The following TELO2 variants were observed in gnomAD, a reference collection of about 807,000 sequenced individuals.
TELO2 encodes telomere maintenance 2, also known as telomere length regulation protein TEL2 homolog.
TELO2 carries 71 observed loss-of-function variants against 91.0 expected under a neutral mutation model. The ratio of observed to expected loss-of-function variants is 0.78; its 90% CI spans 0.64 to 0.95. The LOEUF is 0.95. Among genes scored for constraint, TELO2 ranks in the 40% least tolerant of loss-of-function variants. The pLI is 0.00. For missense variants in TELO2, 1,183 were observed against 1,141.3 expected (o/e 1.04, Z -0.53); for synonymous variants, 584 against 518.9 (o/e 1.13, Z -1.71).
At chr16:1,499,744 C>T (rs1033208569) in intron 6 of TELO2, among the ~76,000 whole-genome samples, 37 of 152,338 alleles carry the variant, frequency 2.4e-4, no homozygotes, top group African/African-American at 8.9e-4. Flanking sequence ...TGAGCCGGGT[C>T]CCCTGACTCC....
At chr16:1,509,578 C>T (rs2040051945) in intron 20 of TELO2, among the ~76,000 whole-genome samples, 2 of 152,266 alleles carry the variant, frequency 1.3e-5, no homozygotes. Context: ...GTGCGCCCCA[C>T]CCCAGGCCCC....
At chr16:1,509,136 C>T (rs912358665) in intron 20 of TELO2, among the ~76,000 whole-genome samples, 1 of 152,196 alleles carries the variant, frequency 6.6e-6, no homozygotes, top group Non-Finnish European at 1.5e-5. Context: ...GTACCTGCGA[C>T]GTCATCATCT....
Position 1,497,073 on chromosome 16 carries a change from C to G in TELO2, c.651C>G (p.Val217=), listed in dbSNP as rs1447355830. The part of the protein sequence containing the change: ...LDSSVSFVSQ[V]LGKACVHGRQ... ...CCTCCGTGTCCTTCGTGTCTCAGGT[C>G]CTTGGGAAAGCCTGTGTCCACGGGA... The change falls in exon 4 of 21, where the codon GTC becomes GTG. Residue 217 remains valine (V), a synonymous_variant. Coordinates refer to ENST00000262319, the MANE Select transcript of TELO2 (RefSeq NM_016111.4). The surrounding 1 kb of genome is among the most constrained non-coding windows in gnomAD (Gnocchi z 4.0). The G allele has an allele frequency of 6.2e-7, 1 of 1,614,060 alleles. No homozygotes were observed. The highest frequency in any genetic ancestry group is 1.1e-5 in the South Asian group (1 of 91,072).
intron 20 of TELO2, among the ~76,000 whole-genome samples, 177 bp downstream of exon 20, chr16:1,507,893 T>A (rs1355477701): frequency 3.4e-4 from 28 of 82,876 alleles, no homozygotes; most frequent in Admixed American, 9.6e-4. Flanking sequence ...TGTGTGTGTG[T>A]GATGTGTGTC....
rs1263753401 is a variant in TELO2, at chr16:1,507,661, G to A, written c.2352G>A (p.Ala784=). The A allele has an allele frequency of 2.1e-5, 34 of 1,602,938 alleles. No individual in the cohort carries two copies. Among genetic ancestry groups the A allele is most frequent in the Non-Finnish European group, 2.4e-5 (28 of 1,179,702 alleles). Residue 784 remains alanine (A), a synonymous_variant, in exon 20 of 21, where the codon GCG becomes GCA. Coordinates refer to ENST00000262319, the MANE Select transcript of TELO2 (RefSeq NM_016111.4). ...VSSVLLSLPA[A]RLLEDLMDEL... ...CCGTCCTGCTCAGCCTGCCTGCTGC[G>A]CGCCTGCTGGAGGACCTGATGGACG...
In TELO2 at chr16:1,497,056, T is replaced by A. The variant is rs1461969324; in HGVS notation, c.634T>A (p.Ser212Thr). 6.2e-7 allele frequency: 1 copy of A among 1,613,964 alleles called. No homozygotes were observed. Among genetic ancestry groups the A allele is most frequent in the African/African-American group, 1.3e-5 (1 of 74,916 alleles). Residue 212 changes from serine to threonine, a missense_variant, in exon 4 of 21, where the codon TCC (serine) becomes ACC (threonine). Ser to Thr is a moderately conservative substitution (Grantham distance 58, BLOSUM62 1). Coordinates refer to ENST00000262319, the MANE Select transcript of TELO2 (RefSeq NM_016111.4). This position sits in a 1 kb window ranked among gnomAD's most constrained non-coding sequence, Gnocchi z 4.0. ...SLQGGLDSSV[S>T]FVSQVLGKAC... ...CCCAGGTGGCCTGGATTCCTCCGTGTCCTTCGTGTCTCAGGTCCTTGGGAA... is the reference window on the plus strand; with the variant it reads ...CCCAGGTGGCCTGGATTCCTCCGTGACCTTCGTGTCTCAGGTCCTTGGGAA...
chr16:1,506,252 G>T lies in TELO2; in HGVS notation c.2049G>T (p.Gln683His). 1.2e-6 allele frequency: 2 copies of T among 1,613,682 alleles called. No individual in the cohort carries two copies. The highest frequency in any genetic ancestry group is 1.7e-6 in the Non-Finnish European group (2 of 1,180,006). The stretch of plus-strand genomic sequence containing the variant: ...GTGTCTGGCAGGGTGGCCCGAGGCA[G>T]GGCCCGGCAGGCAGCCCCAGCAGAT... ...TQRLSKGGPR[Q>H]GPAGSPSRFN... Residue 683 changes from glutamine (Q) to histidine (H), a missense_variant, in exon 17 of 21, where the codon CAG becomes CAT. Transcript: ENST00000262319.
Position 1,507,045 on chromosome 16 carries a change from C to T in TELO2, c.2220C>T (p.Asn740=). 6.2e-7 allele frequency: 1 copy of T among 1,607,906 alleles called. No individual in the cohort carries two copies. The highest frequency in any genetic ancestry group is 8.5e-7 in the Non-Finnish European group (1 of 1,177,268). ...TLGALMCLAV[N]TTVAVAMGKA... is the part of the protein sequence containing the mutation. ...GGGCCCTGATGTGCCTGGCTGTTAA[C>T]ACCACGGTGAGCCGGGAGAGGTCGC... The change falls in exon 18 of 21, where the codon AAC becomes AAT. Residue 740 remains asparagine (N), a synonymous_variant. Coordinates refer to ENST00000262319, the MANE Select transcript of TELO2 (RefSeq NM_016111.4).
rs902142913 is a variant in TELO2, at chr16:1,505,276, C to T, written c.1843-134C>T. 9.1e-7 allele frequency: 1 copy of T among 1,099,590 alleles called. No individual in the cohort carries two copies. The highest frequency in any genetic ancestry group is 1.3e-6 in the Non-Finnish European group (1 of 787,432). 68.1% of individuals were successfully genotyped at this position (1,099,590 alleles called of 1,614,324 possible). The stretch of plus-strand genomic sequence containing the variant: ...GAGCTACGGGGAAGTGACTTTTCTC[C>T]TTGTTCCCAGAACACACCTTCTCCC... On this transcript the variant is annotated intron_variant, in intron 15 of 20. Coordinates refer to ENST00000262319, the MANE Select transcript of TELO2 (RefSeq NM_016111.4). The surrounding 1 kb of genome is among the most constrained non-coding windows in gnomAD (Gnocchi z 4.3).
intron 9 of TELO2, 63 bp downstream of exon 9, chr16:1,500,762 C>T: frequency 4.4e-6 from 7 of 1,582,434 alleles, no homozygotes; most frequent in Non-Finnish European, 5.1e-6. Context: ...GCGGCTGCCT[C>T]TCCAGCCCCA....
chr16:1,499,739 C>T (rs954358121), intron 6 of TELO2, among the ~76,000 whole-genome samples: 4 of 152,194 alleles, frequency 2.6e-5, no homozygotes, highest in African/African-American at 4.8e-5. Flanking sequence ...GTGGGTGAGC[C>T]GGGTCCCCTG....
chr16:1,506,829 C>T, intron 17 of TELO2, 123 bp from the exon 18 acceptor site: 1 of 1,434,324 alleles, frequency 7.0e-7, no homozygotes, highest in South Asian at 1.5e-5. Context: ...TCGGTGCAGG[C>T]AAGGCGGTGG....
In TELO2 at chr16:1,500,203, G is replaced by A. The variant is rs746272192; in HGVS notation, c.1002+39G>A. ...GGCTCTCCGTCCCTGCGAGGCCCTG[G>A]GAGAAGAGCCGTGCGGGGCTCACCT... On this transcript the variant is annotated intron_variant, in intron 7 of 20. Coordinates refer to ENST00000262319, the MANE Select transcript of TELO2 (RefSeq NM_016111.4). The A allele has an allele frequency of 8.9e-6, 14 of 1,576,226 alleles. No individual in the cohort carries two copies. In the African/African-American group the frequency reaches 1.8e-4, roughly 20 times the overall value.
At position 1,500,544 on chromosome 16, in the gene TELO2, G is replaced by A. The variant is rs567734390; in HGVS notation, c.1145-19G>A. On this transcript the variant is annotated intron_variant, in intron 8 of 20. Coordinates refer to ENST00000262319, the MANE Select transcript of TELO2 (RefSeq NM_016111.4). The stretch of plus-strand genomic sequence containing the variant: ...TCGGGCGCCCCGAGGTGCTCAGGGG[G>A]CCTGTCCGGTGCTTGCAGAACTGCT... 6.2e-6 allele frequency: 10 copies of A among 1,611,096 alleles called. No homozygotes were observed. In the African/African-American group the frequency reaches 6.7e-5, roughly 11 times the overall value.
Position 1,505,523 on chromosome 16 carries a change from G to C in TELO2, c.1956G>C (p.Gln652His). 1.2e-6 allele frequency: 2 copies of C among 1,613,106 alleles called. No individual in the cohort carries two copies. The highest frequency in any genetic ancestry group is 1.7e-6 in the Non-Finnish European group (2 of 1,179,992). Reference protein sequence around the residue: ...TPCLPEAAVSQPGSAVASDWR... With the variant: ...TPCLPEAAVSHPGSAVASDWR... ...GCCTGCCAGAGGCAGCCGTCTCTCA[G>C]CCTGGCAGTGCCGTGGCGTCTGACT... The change falls in exon 16 of 21, where the codon CAG becomes CAC. Residue 652 changes from glutamine to histidine, a missense_variant. Gln to His is a conservative substitution (Grantham distance 24, BLOSUM62 0). Transcript: ENST00000262319. This position sits in a 1 kb window ranked among gnomAD's most constrained non-coding sequence, Gnocchi z 4.3.
chr16:1,499,432 C>G, intron 6 of TELO2, 99 bp downstream of exon 6: 6 of 1,358,246 alleles, frequency 4.4e-6, no homozygotes, highest in Non-Finnish European at 6.3e-6. Flanking sequence ...CCTGGGAGAC[C>G]CTGCCTGTGA....
chr16:1,506,892 G>A, intron 17 of TELO2, 60 bp from the exon 18 acceptor site: 3 of 1,514,090 alleles, frequency 2.0e-6, no homozygotes, highest in South Asian at 2.5e-5. Flanking sequence ...GGTGGCCCAG[G>A]AGGTTGGGGA....
At chr16:1,500,217 C>G in intron 7 of TELO2, 53 bp downstream of exon 7, 1 of 1,552,814 alleles carries the variant, frequency 6.4e-7, no homozygotes, top group Non-Finnish European at 8.7e-7. Flanking sequence ...AAGAGCCGTG[C>G]GGGGCTCACC....
chr16:1,507,917 T>TGC (rs1235923341), intron 20 of TELO2, among the ~76,000 whole-genome samples: 1 of 149,706 alleles, frequency 6.7e-6, no homozygotes, highest in Non-Finnish European at 1.5e-5. Flanking sequence ...CCGGGGTGTG[T>TGC]GTGTGTGTGT....
Sources: gnomAD v4.1 joint callset for allele counts (sites outside exome capture counted in the v4.1 genomes callset) on GRCh38, gnomAD v4.1.1 for gene constraint, Gnocchi (gnomAD v3.1) non-coding constraint, MANE v1.5 for transcripts, NCBI Gene and HGNC (gene_info 2026-07-23, HGNC 2026-07-21) for gene names.